The following TCF7L2 variants were observed in gnomAD, a reference collection of about 807,000 sequenced individuals.
TCF7L2 encodes transcription factor 7 like 2.
In TCF7L2, 23 loss-of-function variants were observed where a neutral mutation model predicts 77.9. That is an observed-to-expected ratio of 0.30 (90% CI 0.21 to 0.42). The LOEUF (loss-of-function observed/expected upper bound fraction) is 0.42, where lower values mean the gene tolerates loss of function less well. TCF7L2 is among the 10% of genes least tolerant of loss of function. TCF7L2 has a pLI of 1.00. For synonymous variants in TCF7L2, 413 were observed against 340.2 expected, an observed-to-expected ratio of 1.21 and a Z score of -2.36; for missense variants, 654 against 793.1, an observed-to-expected ratio of 0.82 and a Z score of 2.11.
intron 5 of TCF7L2, among the ~76,000 whole-genome samples, chr10:113,099,516 C>T (rs1286186162): frequency 6.6e-6 from 1 of 152,172 alleles, no homozygotes; most frequent in Non-Finnish European, 1.5e-5. Flanking sequence ...ACGGGAAGAC[C>T]AGAGCTGCCG....
At chr10:113,149,244 A>T (rs919018520) in intron 8 of TCF7L2, among the ~76,000 whole-genome samples, 1 of 152,086 alleles carries the variant, frequency 6.6e-6, no homozygotes, top group Non-Finnish European at 1.5e-5. Flanking sequence ...TTTGTTTTTC[A>T]CATTATTTTG....
chr10:113,040,021 C>A lies in TCF7L2; in HGVS notation c.451-4C>A, dbSNP rs1444722519. The A allele has an allele frequency of 6.2e-7, 1 of 1,612,246 alleles. No individual in the cohort carries two copies. Among genetic ancestry groups the A allele is most frequent in the Admixed American group, 1.7e-5 (1 of 59,728 alleles). On this transcript the variant is annotated splice_region_variant and splice_polypyrimidine_tract_variant and intron_variant, in intron 4 of 13. Transcript: ENST00000627217. Reference sequence around the variant, plus strand: ...TTCATTTCACTTTTGTTTCCTCTCGCCAGTATCTCCAGATGAAATGGCCAC... The same window carrying A: ...TTCATTTCACTTTTGTTTCCTCTCGACAGTATCTCCAGATGAAATGGCCAC...
At chr10:113,158,759 G>A (rs1411273493) in intron 12 of TCF7L2, 42 bp downstream of exon 13, 1 of 1,581,944 alleles carries the variant, frequency 6.3e-7, no homozygotes, top group South Asian at 1.1e-5. Flanking sequence ...TTGATAAACT[G>A]TTTTTTAATT....
chr10:113,022,628 T>C (rs2048440197), intron 4 of TCF7L2, among the ~76,000 whole-genome samples: 1 of 152,210 alleles, frequency 6.6e-6, no homozygotes, highest in Admixed American at 6.5e-5. Context: ...TTTAAAATCT[T>C]GCAACATCTC....
intron 4 of TCF7L2, among the ~76,000 whole-genome samples, chr10:112,984,692 G>A (rs575493671): frequency 6.6e-6 from 1 of 152,188 alleles, no homozygotes; most frequent in Non-Finnish European, 1.5e-5. Flanking sequence ...TAAGGGAGAG[G>A]ATGAAGCTTA....
chr10:113,107,885 C>T, intron 5 of TCF7L2, among the ~76,000 whole-genome samples: 1 of 151,502 alleles, frequency 6.6e-6, no homozygotes, highest in East Asian at 1.9e-4. Context: ...GCGTTGCTGG[C>T]AGGGGCACTT....
Position 113,146,529 on chromosome 10 carries a change from C to T in TCF7L2, c.875+432C>T, listed in dbSNP as rs534776633. 3.3e-5 allele frequency among the ~76,000 whole-genome samples: 5 copies of T among 152,208 alleles called. 1 individual carries two copies. In the South Asian group the frequency reaches 1.0e-3, roughly 32 times the overall value. On this transcript the variant is annotated intron_variant, in intron 8 of 13. Transcript: ENST00000627217. ...TCAACAAGAAAGCATCCGCCTCCTC[C>T]CCTCGAAGGTAGCACTGTCCAATAG...
At chr10:112,979,190 A>C (rs1476573388) in intron 4 of TCF7L2, among the ~76,000 whole-genome samples, 2 of 152,164 alleles carry the variant, frequency 1.3e-5, no homozygotes, top group Admixed American at 6.5e-5. Context: ...ACTGGAGTGC[A>C]TAAGGAGCTT....
At chr10:113,126,501 T>C in intron 5 of TCF7L2, 1 of 952,696 alleles carries the variant, frequency 1.0e-6, no homozygotes, top group Non-Finnish European at 1.3e-6. Context: ...AATATCAGGC[T>C]TTGTTCTTTT....
chr10:113,098,620 C>G (rs549030576), intron 5 of TCF7L2, among the ~76,000 whole-genome samples: 1 of 152,048 alleles, frequency 6.6e-6, no homozygotes, highest in Non-Finnish European at 1.5e-5. Flanking sequence ...GCAGGAGAAT[C>G]GCTTGAACCT....
At chr10:112,988,682 T>C (rs146425426) in intron 4 of TCF7L2, among the ~76,000 whole-genome samples, 22 of 152,356 alleles carry the variant, frequency 1.4e-4, no homozygotes, top group African/African-American at 5.1e-4. Flanking sequence ...TATTCCGTGA[T>C]GTGCATGTTA....
At chr10:113,125,795 AAG>A (rs72211230) in intron 5 of TCF7L2, 44,425 of 152,020 alleles carry the variant, frequency 0.29, 7,115 homozygotes, top group Non-Finnish European at 0.36. Context: ...ACAAACAAAA[AAG>A]AGAAAGGGAA....
intron 11 of TCF7L2, among the ~76,000 whole-genome samples, chr10:113,156,480 G>C (rs889917477): frequency 6.6e-6 from 1 of 152,200 alleles, no homozygotes; most frequent in African/African-American, 2.4e-5. Context: ...ACTGTGAGAA[G>C]CTTTAGGCAA....
intron 5 of TCF7L2, among the ~76,000 whole-genome samples, chr10:113,121,064 A>T (rs902277254): frequency 3.3e-5 from 5 of 152,214 alleles, no homozygotes; most frequent in South Asian, 2.1e-4. Flanking sequence ...TCCCTTCGCA[A>T]AATGGGGGGA....
chr10:113,015,662 G>A (rs1312477303), intron 4 of TCF7L2, among the ~76,000 whole-genome samples: 1 of 151,844 alleles, frequency 6.6e-6, no homozygotes, highest in Non-Finnish European at 1.5e-5. Flanking sequence ...ATTTTTTTTT[G>A]TAGAGATGGG....
At position 113,151,061 on chromosome 10, in the gene TCF7L2, C is replaced by T. The variant is rs747240785; in HGVS notation, c.939C>T (p.Ala313=). 3 of 1,614,184 alleles carry T rather than the reference C, an allele frequency of 1.9e-6. No individual in the cohort carries two copies. In the East Asian group the frequency reaches 6.7e-5, roughly 36 times the overall value. ...ACACGACGGGCATTCCGCATCCGGCCATAGTCACACCAACAGTCAAACAGG... is the reference window on the plus strand; with the variant it reads ...ACACGACGGGCATTCCGCATCCGGCTATAGTCACACCAACAGTCAAACAGG... Residue 313 remains alanine, a synonymous_variant, in exon 9 of 14, where the codon GCC becomes GCT. Coordinates refer to ENST00000627217, the MANE Select transcript of TCF7L2 (RefSeq NM_001146274.2). The surrounding 1 kb of genome is among the most constrained non-coding windows in gnomAD (Gnocchi z 5.2).
Position 113,153,115 on chromosome 10 carries a change from T to C in TCF7L2, c.1269+675T>C, listed in dbSNP as rs550423638. On this transcript the variant is annotated intron_variant, in intron 11 of 13. Transcript: ENST00000627217. ...TGGGCTCTGTGTTGGCTACAGGATC[T>C]GCCTAGTCCTCTCTTGGGTTGTAGG... 8.5e-5 allele frequency among the ~76,000 whole-genome samples: 13 copies of C among 152,324 alleles called. No individual in the cohort carries two copies. The South Asian group carries it at 2.7e-3, about 32-fold the overall frequency.
intron 5 of TCF7L2, chr10:113,129,394 T>C (rs2066190421): frequency 8.1e-6 from 8 of 993,384 alleles, no homozygotes; most frequent in Non-Finnish European, 9.6e-6. Flanking sequence ...GGGAGGGGAC[T>C]TTGCTGAGGT....
At chr10:113,108,736 G>C (rs1291729981) in intron 5 of TCF7L2, among the ~76,000 whole-genome samples, 1 of 152,204 alleles carries the variant, frequency 6.6e-6, no homozygotes, top group Non-Finnish European at 1.5e-5. Flanking sequence ...AGGACTGCCT[G>C]CCCTGGTCGT....
Sources: gnomAD v4.1 joint callset for allele counts (sites outside exome capture counted in the v4.1 genomes callset) on GRCh38, gnomAD v4.1.1 for gene constraint, Gnocchi (gnomAD v3.1) non-coding constraint, MANE v1.5 for transcripts, NCBI Gene and HGNC (gene_info 2026-07-23, HGNC 2026-07-21) for gene names.